Variants in DYRK4 observed in about 807,000 individuals in gnomAD.
The protein encoded by DYRK4 is dual specificity tyrosine phosphorylation regulated kinase 4.
In DYRK4, 64 loss-of-function variants were observed where a neutral mutation model predicts 68.3. That is an observed-to-expected ratio of 0.94 (90% CI 0.77 to 1.15). The LOEUF is 1.15. Among genes scored for constraint, DYRK4 ranks in the 50% most tolerant of loss-of-function variants. The pLI is 0.00. For missense variants in DYRK4, 740 were observed against 764.7 expected, an observed-to-expected ratio of 0.97 and a Z score of 0.38; for synonymous variants, 274 against 289.9, an observed-to-expected ratio of 0.95 and a Z score of 0.56.
At position 4,605,037 on chromosome 12, in the gene DYRK4, C is replaced by T; in HGVS notation, c.1250C>T (p.Pro417Leu). The change falls in exon 11 of 15, where the codon CCC (proline) becomes CTC (leucine). Residue 417 changes from proline to leucine, a missense_variant. Physicochemically the swap from Pro to Leu is moderately conservative, Grantham distance 98 (BLOSUM62 -3). Coordinates refer to ENST00000543431, the MANE Select transcript of DYRK4 (RefSeq NM_001394779.1). The stretch of plus-strand genomic sequence containing the variant: ...ACGGCGGAGTTGTACACGGGCTACC[C>T]CCTGTTCCCCGGGGAGAATGAGGTG... Reference protein sequence around the residue: ...CITAELYTGYPLFPGENEVEQ... With the variant: ...CITAELYTGYLLFPGENEVEQ... 6.2e-7 allele frequency: 1 copy of T among 1,614,062 alleles called. No homozygotes were observed. The highest frequency in any genetic ancestry group is 8.5e-7 in the Non-Finnish European group (1 of 1,179,962).
chr12:4,563,120 A>G (rs1408095466), intron 1 of DYRK4: 1 of 456,118 alleles, frequency 2.2e-6, no homozygotes, highest in Admixed American at 2.3e-5. Context: ...CCGTGGAAAC[A>G]ACAAATGAAA....
At chr12:4,604,835 T>A (rs756258865) in intron 10 of DYRK4, 79 bp from the exon 11 acceptor site, 2 of 1,453,470 alleles carry the variant, frequency 1.4e-6, no homozygotes, top group Non-Finnish European at 1.8e-6. Flanking sequence ...GCAGTCTAAC[T>A]GAGAAGTTGT....
intron 8 of DYRK4, among the ~76,000 whole-genome samples, chr12:4,597,971 C>G (rs999013301): frequency 2.0e-5 from 3 of 152,116 alleles, no homozygotes; most frequent in African/African-American, 7.2e-5. Flanking sequence ...GAGGCTGAGG[C>G]AGGAGAATCA....
At position 4,599,806 on chromosome 12, in the gene DYRK4, C is replaced by A. The variant is rs935539503; in HGVS notation, c.1126+18C>A. The A allele has an allele frequency of 2.5e-6, 4 of 1,607,058 alleles. No individual in the cohort carries two copies. In the African/African-American group the frequency reaches 5.4e-5, roughly 22 times the overall value. On this transcript the variant is annotated intron_variant, in intron 10 of 14. Transcript: ENST00000543431. Reference sequence around the variant, plus strand: ...CCAGAAAGGTGAGCCCCATGTCAGTCCCATCATCTGAGTTTTCCTATTGCA... The same window carrying A: ...CCAGAAAGGTGAGCCCCATGTCAGTACCATCATCTGAGTTTTCCTATTGCA...
chr12:4,591,283 ACT>A lies in DYRK4; in HGVS notation c.451_452del (p.Leu151AspfsTer10), dbSNP rs1354531055. ...EEKSPKKQKV[T>X]LTAAEALKLF... ...GAAGTCACCAAAGAAGCAAAAGGTG[ACT>A]CTGACAGCGGCAGGTATGCCTTTGG... On this transcript the variant is annotated frameshift_variant, in exon 5 of 15. Transcript: ENST00000543431. LOFTEE classifies it high-confidence loss of function. This position sits in a 1 kb window ranked among gnomAD's most constrained non-coding sequence, Gnocchi z 4.1. 1.2e-5 allele frequency: 19 copies of A among 1,613,716 alleles called. No homozygotes were observed. In the East Asian group the frequency reaches 2.9e-4, roughly 25 times the overall value.
intron 2 of DYRK4, among the ~76,000 whole-genome samples, chr12:4,582,665 G>A (rs1322802313): frequency 3.9e-5 from 6 of 152,122 alleles, no homozygotes; most frequent in Admixed American, 2.6e-4. Flanking sequence ...GCCCAAATGC[G>A]GGTGAACGAT....
At chr12:4,587,274 C>A (rs1944906957) in intron 2 of DYRK4, among the ~76,000 whole-genome samples, 1 of 152,120 alleles carries the variant, frequency 6.6e-6, no homozygotes, top group Non-Finnish European at 1.5e-5. Flanking sequence ...TTTCACTGAG[C>A]AAGCATGCTC....
chr12:4,610,365 A>G, intron 13 of DYRK4, 81 bp downstream of exon 13: 1 of 1,347,666 alleles, frequency 7.4e-7, no homozygotes, highest in East Asian at 2.6e-5. Flanking sequence ...TGAAAGACTA[A>G]GGCTGGGAGA....
intron 10 of DYRK4, among the ~76,000 whole-genome samples, chr12:4,603,580 G>A (rs1008078765): frequency 1.3e-5 from 2 of 152,178 alleles, no homozygotes; most frequent in African/African-American, 4.8e-5. Context: ...ATCGAGGCAA[G>A]GGAGACCCTG....
At chr12:4,589,182 C>T (rs547361746) in intron 3 of DYRK4, among the ~76,000 whole-genome samples, 165 bp downstream of exon 3, 1 of 152,240 alleles carries the variant, frequency 6.6e-6, no homozygotes, top group Non-Finnish European at 1.5e-5. Context: ...CATCACCACG[C>T]CCCATCTCCT....
intron 5 of DYRK4, among the ~76,000 whole-genome samples, chr12:4,592,030 C>T (rs560560147): frequency 3.3e-5 from 5 of 152,182 alleles, no homozygotes; most frequent in South Asian, 4.2e-4. Context: ...CCAAATCCAC[C>T]GAGCATCCAC....
chr12:4,594,878 C>A lies in DYRK4; in HGVS notation c.628-1271C>A, dbSNP rs191673273. 2.6e-5 allele frequency among the ~76,000 whole-genome samples: 4 copies of A among 152,212 alleles called. No homozygotes were observed. In the East Asian group the frequency reaches 7.7e-4, roughly 29 times the overall value. Reference sequence around the variant, plus strand: ...CTGCATTCTCACTTAATTTTGTCAGCAAATGTTAATTGAATGCCTATGTAT... The same window carrying A: ...CTGCATTCTCACTTAATTTTGTCAGAAAATGTTAATTGAATGCCTATGTAT... On this transcript the variant is annotated intron_variant, in intron 6 of 14. Transcript: ENST00000543431.
chr12:4,567,492 A>G (rs1591782699), intron 1 of DYRK4: 1 of 154,700 alleles, frequency 6.5e-6, no homozygotes, highest in Non-Finnish European at 1.4e-5. Flanking sequence ...CAGTAAGTCA[A>G]TTATTAATAG....
intron 8 of DYRK4, among the ~76,000 whole-genome samples, chr12:4,597,906 C>G (rs184434984): frequency 3.0e-4 from 45 of 152,074 alleles, no homozygotes; most frequent in African/African-American, 1.1e-3. Flanking sequence ...AAAACCCCAT[C>G]TCTACTAAAA....
At chr12:4,606,995 C>CTT (rs1945159855) in intron 11 of DYRK4, among the ~76,000 whole-genome samples, 1 of 152,184 alleles carries the variant, frequency 6.6e-6, no homozygotes, top group Admixed American at 6.5e-5. Flanking sequence ...ATATATCATT[C>CTT]TTTAATTCTG....
At chr12:4,597,026 A>C in intron 8 of DYRK4, 1 of 1,213,076 alleles carries the variant, frequency 8.2e-7, no homozygotes, top group South Asian at 2.0e-5. Flanking sequence ...TGAAATAGTC[A>C]AAAAGGACAT....
chr12:4,597,111 C>T (rs977048114), intron 8 of DYRK4: 4 of 1,078,770 alleles, frequency 3.7e-6, no homozygotes, highest in Non-Finnish European at 4.5e-6. Context: ...CCCAAAGGAA[C>T]AGGCAGCTGG....
chr12:4,592,273 A>G (rs546250408), intron 5 of DYRK4, among the ~76,000 whole-genome samples: 6 of 152,276 alleles, frequency 3.9e-5, no homozygotes, highest in Admixed American at 3.9e-4. Flanking sequence ...TGCCCTTCAC[A>G]TATATGAAAA....
intron 13 of DYRK4, among the ~76,000 whole-genome samples, chr12:4,611,628 A>G (rs113719754): frequency 0.012 from 1,872 of 152,320 alleles, 17 homozygotes; most frequent in Non-Finnish European, 0.017. Context: ...ACAGCAATTC[A>G]TTTGACACAG....
Sources: gnomAD v4.1 joint callset for allele counts (sites outside exome capture counted in the v4.1 genomes callset) on GRCh38, gnomAD v4.1.1 for gene constraint, Gnocchi (gnomAD v3.1) non-coding constraint, MANE v1.5 for transcripts, NCBI Gene and HGNC (gene_info 2026-07-23, HGNC 2026-07-21) for gene names.